Variants in SH3BGRL2 observed in about 807,000 individuals in gnomAD.
SH3BGRL2 encodes the protein SH3 domain binding glutamate rich protein like 2.
In SH3BGRL2, 21 loss-of-function variants were observed where a neutral mutation model predicts 14.8. The observed-to-expected ratio is 1.42, with a 90% CI of 1.01 to 2.05. SH3BGRL2 has a LOEUF of 2.05. Among genes scored for constraint, SH3BGRL2 ranks in the 30% most tolerant of loss-of-function variants. SH3BGRL2 has a pLI of 0.00. For missense variants in SH3BGRL2, 147 were observed against 130.8 expected, an observed-to-expected ratio of 1.12 and a Z score of -0.61; for synonymous variants, 50 against 47.8, an observed-to-expected ratio of 1.05 and a Z score of -0.19.
the SH3BGRL2 span, among the ~76,000 whole-genome samples, chr6:79,566,511 A>T: frequency 6.6e-6 from 1 of 152,252 alleles, no homozygotes; most frequent in Non-Finnish European, 1.5e-5. Context: ...ATATTATAAT[A>T]TCTTACTCCA....
At chr6:79,600,441 A>C in the SH3BGRL2 span, among the ~76,000 whole-genome samples, 1 of 152,176 alleles carries the variant, frequency 6.6e-6, no homozygotes. Flanking sequence ...GGGGCTTGGC[A>C]GTTGAGTGTT....
intron 2 of SH3BGRL2, among the ~76,000 whole-genome samples, chr6:79,690,241 C>T (rs765947551): frequency 3.3e-5 from 5 of 152,140 alleles, no homozygotes; most frequent in Non-Finnish European, 5.9e-5. Flanking sequence ...GTCCTCACAC[C>T]TCAGCCTCCC....
chr6:79,580,349 G>T, the SH3BGRL2 span, among the ~76,000 whole-genome samples: 1 of 152,162 alleles, frequency 6.6e-6, no homozygotes, highest in African/African-American at 2.4e-5. Context: ...ATTCTTCTCA[G>T]CATCACATCG....
chr6:79,645,083 C>G (rs1769102173), intron 1 of SH3BGRL2, among the ~76,000 whole-genome samples: 1 of 149,710 alleles, frequency 6.7e-6, no homozygotes, highest in African/African-American at 2.5e-5. Flanking sequence ...TTGCTTGAAC[C>G]CAGGAGATGG....
chr6:79,567,215 A>C, the SH3BGRL2 span, among the ~76,000 whole-genome samples: 1 of 151,310 alleles, frequency 6.6e-6, no homozygotes, highest in Admixed American at 6.6e-5. Flanking sequence ...TCTTTGTTAT[A>C]GAAAAATTAT....
chr6:79,580,142 A>G, the SH3BGRL2 span, among the ~76,000 whole-genome samples: 2 of 152,228 alleles, frequency 1.3e-5, no homozygotes, highest in African/African-American at 2.4e-5. Flanking sequence ...ACCCAGATTC[A>G]TAAAGCAAGT....
At chr6:79,678,499 T>C (rs1336530000) in intron 2 of SH3BGRL2, among the ~76,000 whole-genome samples, 5 of 152,220 alleles carry the variant, frequency 3.3e-5, no homozygotes, top group Non-Finnish European at 7.3e-5. Context: ...TATTCCATTG[T>C]ATGTATGTGC....
At chr6:79,685,561 G>A (rs1253033551) in intron 2 of SH3BGRL2, among the ~76,000 whole-genome samples, 1 of 152,134 alleles carries the variant, frequency 6.6e-6, no homozygotes, top group South Asian at 2.1e-4. Context: ...AAGTTGAAGA[G>A]AAATTGACAT....
intron 1 of SH3BGRL2, among the ~76,000 whole-genome samples, chr6:79,642,297 A>T (rs1769048784): frequency 6.6e-6 from 1 of 152,236 alleles, no homozygotes; most frequent in African/African-American, 2.4e-5. Context: ...TAATCTACAG[A>T]TGATTTAAAT....
chr6:79,687,742 A>G (rs1234930364), intron 2 of SH3BGRL2, among the ~76,000 whole-genome samples: 1 of 152,214 alleles, frequency 6.6e-6, no homozygotes, highest in African/African-American at 2.4e-5. Context: ...GTCTTAAAAA[A>G]TTGCTTTTTA....
the SH3BGRL2 span, among the ~76,000 whole-genome samples, chr6:79,557,619 C>T: frequency 6.6e-6 from 1 of 152,118 alleles, no homozygotes; most frequent in Non-Finnish European, 1.5e-5. Context: ...TAATAGTCTT[C>T]CAAAGGTAAT....
chr6:79,651,231 G>A (rs1252969052), intron 1 of SH3BGRL2, among the ~76,000 whole-genome samples: 2 of 152,046 alleles, frequency 1.3e-5, no homozygotes, highest in Non-Finnish European at 2.9e-5. Flanking sequence ...TTACTGTGGA[G>A]GATTTTGACT....
At chr6:79,632,438 G>A (rs1320969776) in intron 1 of SH3BGRL2, among the ~76,000 whole-genome samples, 1 of 152,210 alleles carries the variant, frequency 6.6e-6, no homozygotes, top group South Asian at 2.1e-4. Context: ...AGCCTCCTTT[G>A]TGACATATAT....
intron 1 of SH3BGRL2, among the ~76,000 whole-genome samples, chr6:79,665,115 G>A (rs945754508): frequency 2.6e-5 from 4 of 152,112 alleles, no homozygotes; most frequent in East Asian, 1.9e-4. Flanking sequence ...CAGGAAAATC[G>A]CTTGAACCCA....
At chr6:79,642,094 A>G (rs946237773) in intron 1 of SH3BGRL2, among the ~76,000 whole-genome samples, 4 of 152,166 alleles carry the variant, frequency 2.6e-5, no homozygotes, top group Admixed American at 6.5e-5. Flanking sequence ...GCTATACATA[A>G]TACAGTCAGC....
chr6:79,644,062 A>G (rs1388122841), intron 1 of SH3BGRL2, among the ~76,000 whole-genome samples: 1 of 152,160 alleles, frequency 6.6e-6, no homozygotes, highest in East Asian at 1.9e-4. Context: ...TATTTAATAT[A>G]TTGGGGCCTT....
chr6:79,683,713 C>T (rs1471765017), intron 2 of SH3BGRL2, among the ~76,000 whole-genome samples: 1 of 152,210 alleles, frequency 6.6e-6, no homozygotes, highest in Non-Finnish European at 1.5e-5. Flanking sequence ...TCCCAAAGTG[C>T]TGGGATTACA....
At chr6:79,582,312 G>A in the SH3BGRL2 span, among the ~76,000 whole-genome samples, 3 of 152,130 alleles carry the variant, frequency 2.0e-5, no homozygotes, top group Non-Finnish European at 4.4e-5. Flanking sequence ...AACCAAAAAA[G>A]AGCCCTCATA....
the SH3BGRL2 span, among the ~76,000 whole-genome samples, chr6:79,545,571 C>T: frequency 6.6e-6 from 1 of 152,084 alleles, no homozygotes; most frequent in African/African-American, 2.4e-5. Flanking sequence ...AATGAGATTC[C>T]AACAGAAAAG....
Sources: gnomAD v4.1 joint callset for allele counts (sites outside exome capture counted in the v4.1 genomes callset) on GRCh38, gnomAD v4.1.1 for gene constraint, MANE v1.5 for transcripts, NCBI Gene and HGNC (gene_info 2026-07-23, HGNC 2026-07-21) for gene names.